The following DNER variants were observed in gnomAD, a reference collection of about 807,000 sequenced individuals.
The protein encoded by DNER is delta/notch like EGF repeat containing.
A neutral mutation model predicts 78.2 loss-of-function variants in DNER; 33 were observed. That is an observed-to-expected ratio of 0.42 (90% CI 0.32 to 0.56). DNER has a LOEUF of 0.56. DNER is among the 20% of genes least tolerant of loss of function. The pLI is 0.11. For missense variants in DNER, 918 were observed against 975.3 expected (o/e 0.94, Z 0.78); for synonymous variants, 417 against 384.8 (o/e 1.08, Z -0.98).
chr2:229,457,649 G>A (rs1694604999), intron 7 of DNER, among the ~76,000 whole-genome samples: 1 of 145,252 alleles, frequency 6.9e-6, no homozygotes, highest in East Asian at 2.0e-4. Flanking sequence ...ATAAAACAAA[G>A]AACATATGAG....
At chr2:229,370,500 A>C (rs1442763747) in intron 11 of DNER, among the ~76,000 whole-genome samples, 4 of 152,208 alleles carry the variant, frequency 2.6e-5, no homozygotes, top group African/African-American at 9.6e-5. Flanking sequence ...AATCACCAGA[A>C]ACAGTCACGA....
chr2:229,556,812 A>G (rs1696863714), intron 4 of DNER, among the ~76,000 whole-genome samples: 1 of 152,132 alleles, frequency 6.6e-6, no homozygotes. Context: ...TTACCACGTA[A>G]CTCCTAATTA....
intron 4 of DNER, among the ~76,000 whole-genome samples, chr2:229,554,823 C>A: frequency 6.6e-6 from 1 of 150,418 alleles, no homozygotes; most frequent in Non-Finnish European, 1.5e-5. Context: ...CCACTGCACT[C>A]CAGCCTGGGT....
intron 4 of DNER, among the ~76,000 whole-genome samples, chr2:229,569,300 T>C (rs1697173509): frequency 6.6e-6 from 1 of 152,144 alleles, no homozygotes; most frequent in Non-Finnish European, 1.5e-5. Context: ...GGTGGGCGGA[T>C]CACTTGAGGT....
chr2:229,491,016 GAAAGTCCA>G (rs567564905), intron 6 of DNER, among the ~76,000 whole-genome samples: 251 of 152,232 alleles, frequency 1.6e-3, no homozygotes, highest in African/African-American at 5.8e-3. Flanking sequence ...CTTTTAAGTG[GAAAGTCCA>G]ATGGCTCAGC....
intron 1 of DNER, among the ~76,000 whole-genome samples, chr2:229,619,562 T>C (rs72991643): frequency 0.022 from 3,346 of 152,286 alleles, 50 homozygotes; most frequent in Middle Eastern, 0.034. Flanking sequence ...GTTCAGTTAC[T>C]GCCTGATTCT....
At chr2:229,555,440 A>G (rs536775755) in intron 4 of DNER, among the ~76,000 whole-genome samples, 3 of 152,146 alleles carry the variant, frequency 2.0e-5, no homozygotes, top group Non-Finnish European at 4.4e-5. Flanking sequence ...CCAGTCTTAC[A>G]GCCATTGAGA....
intron 11 of DNER, among the ~76,000 whole-genome samples, chr2:229,378,352 C>T (rs182543920): frequency 6.6e-6 from 1 of 152,226 alleles, no homozygotes; most frequent in Admixed American, 6.5e-5. Flanking sequence ...TGAACTGAGA[C>T]CTGAATGAGA....
chr2:229,375,466 A>G (rs747154351), intron 11 of DNER, among the ~76,000 whole-genome samples: 3 of 152,136 alleles, frequency 2.0e-5, no homozygotes, highest in Non-Finnish European at 2.9e-5. Context: ...TGCTTTCCCC[A>G]CATCTAGCCA....
intron 1 of DNER, among the ~76,000 whole-genome samples, chr2:229,652,006 C>G (rs1213146602): frequency 6.6e-6 from 1 of 152,102 alleles, no homozygotes; most frequent in Non-Finnish European, 1.5e-5. Context: ...AAATGGCAGG[C>G]ATTTGACATC....
chr2:229,448,927 T>A (rs1454195746), intron 7 of DNER, among the ~76,000 whole-genome samples: 1 of 152,228 alleles, frequency 6.6e-6, no homozygotes, highest in Non-Finnish European at 1.5e-5. Context: ...ATTTTTGTTG[T>A]TGTTAAGGAC....
intron 1 of DNER, among the ~76,000 whole-genome samples, chr2:229,688,000 A>G (rs1002341462): frequency 6.6e-6 from 1 of 152,234 alleles, no homozygotes; most frequent in Non-Finnish European, 1.5e-5. Context: ...ATCTATGCCA[A>G]TCCACTGCCA....
intron 6 of DNER, among the ~76,000 whole-genome samples, chr2:229,500,440 C>A (rs1695594821): frequency 6.6e-6 from 1 of 152,086 alleles, no homozygotes; most frequent in South Asian, 2.1e-4. Flanking sequence ...ACTGGGAATG[C>A]AAAGTAGTGT....
intron 1 of DNER, among the ~76,000 whole-genome samples, chr2:229,678,382 T>C (rs750733253): frequency 6.6e-6 from 1 of 152,216 alleles, no homozygotes; most frequent in Non-Finnish European, 1.5e-5. Flanking sequence ...CATGAATTCT[T>C]CAGGAAGGCA....
intron 1 of DNER, among the ~76,000 whole-genome samples, chr2:229,599,432 G>C (rs1253948829): frequency 7.8e-6 from 1 of 127,650 alleles, no homozygotes; most frequent in African/African-American, 2.9e-5. Flanking sequence ...ACCTTGAATT[G>C]GATAATTTTT....
intron 10 of DNER, among the ~76,000 whole-genome samples, chr2:229,405,749 T>C (rs1446905288): frequency 2.0e-5 from 3 of 152,232 alleles, no homozygotes; most frequent in African/African-American, 7.2e-5. Context: ...AATTTCTGGA[T>C]ATCAGAATGT....
intron 10 of DNER, among the ~76,000 whole-genome samples, chr2:229,393,343 T>C (rs1202451919): frequency 6.6e-6 from 1 of 151,586 alleles, no homozygotes; most frequent in African/African-American, 2.4e-5. Flanking sequence ...CAAGAGAATC[T>C]TGAACTAGGG....
At chr2:229,499,265 G>A (rs1695563293) in intron 6 of DNER, among the ~76,000 whole-genome samples, 1 of 151,954 alleles carries the variant, frequency 6.6e-6, no homozygotes, top group Non-Finnish European at 1.5e-5. Context: ...GGCCAATATG[G>A]TGAAATCCTG....
At chr2:229,396,780 CT>C (rs1693153539) in intron 10 of DNER, among the ~76,000 whole-genome samples, 1 of 152,198 alleles carries the variant, frequency 6.6e-6, no homozygotes, top group South Asian at 2.1e-4. Context: ...AGATGTGGGT[CT>C]GTCTGAGCAT....
Sources: gnomAD v4.1 joint callset for allele counts (sites outside exome capture counted in the v4.1 genomes callset) on GRCh38, gnomAD v4.1.1 for gene constraint, MANE v1.5 for transcripts, NCBI Gene and HGNC (gene_info 2026-07-23, HGNC 2026-07-21) for gene names.